The following SUPT3H variants were observed in gnomAD, a reference collection of about 807,000 sequenced individuals.
SUPT3H encodes SPT3 homolog, SAGA and STAGA complex component.
A neutral mutation model predicts 44.3 loss-of-function variants in SUPT3H; 44 were observed. The observed-to-expected ratio is 0.99, with a 90% CI of 0.78 to 1.28. SUPT3H has a LOEUF of 1.28. Among genes scored for constraint, SUPT3H ranks in the 50% most tolerant of loss-of-function variants. The pLI is 0.00. For missense variants in SUPT3H, 380 were observed against 387.1 expected, an observed-to-expected ratio of 0.98 and a Z score of 0.15; for synonymous variants, 124 against 125.6, an observed-to-expected ratio of 0.99 and a Z score of 0.09.
intron 10 of SUPT3H, among the ~76,000 whole-genome samples, chr6:44,886,408 C>G (rs1411155671): frequency 6.6e-6 from 1 of 152,206 alleles, no homozygotes; most frequent in African/African-American, 2.4e-5. Context: ...ATCAGACTGA[C>G]AGCTGATCTC....
chr6:45,146,000 T>TA (rs1341732971), intron 2 of SUPT3H, among the ~76,000 whole-genome samples: 4 of 151,916 alleles, frequency 2.6e-5, no homozygotes, highest in Admixed American at 1.3e-4. Context: ...GGCCATAATT[T>TA]AAAAAATCAA....
chr6:45,362,400 G>C (rs1263632000), intron 2 of SUPT3H, among the ~76,000 whole-genome samples: 3 of 152,184 alleles, frequency 2.0e-5, no homozygotes, highest in Non-Finnish European at 2.9e-5. Flanking sequence ...ATGAACAGCA[G>C]CAGTAGGGAG....
rs115266292 is a variant in SUPT3H at position 44,860,529 on chromosome 6, C to T, written c.913-30672G>A. Among the ~76,000 whole-genome samples, 806 of 152,296 alleles carry T rather than the reference C, an allele frequency of 5.3e-3. 5 individuals are homozygous for T. The highest frequency in any genetic ancestry group is 0.018 in the African/African-American group (752 of 41,564). On this transcript the variant is annotated intron_variant, in intron 10 of 10. Coordinates refer to ENST00000371459, the MANE Select transcript of SUPT3H (RefSeq NM_003599.4). Reference sequence around the variant, plus strand: ...GTTATTCAACCAGTTAATGGCCGGACTGGGAGTAGAACCAGGTCTCCCGAC... The same window carrying T: ...GTTATTCAACCAGTTAATGGCCGGATTGGGAGTAGAACCAGGTCTCCCGAC...
intron 6 of SUPT3H, among the ~76,000 whole-genome samples, chr6:44,992,913 C>T (rs1047290728): frequency 6.6e-6 from 1 of 152,134 alleles, no homozygotes; most frequent in Non-Finnish European, 1.5e-5. Flanking sequence ...CCTATAATCC[C>T]AGCATTTTGG....
Position 45,018,114 on chromosome 6 carries a change from A to C in SUPT3H, c.273+2432T>G, listed in dbSNP as rs866875531. Among the ~76,000 whole-genome samples, 326 of 151,810 alleles carry C rather than the reference A, an allele frequency of 2.1e-3. 1 individual carries two copies. Among genetic ancestry groups the C allele is most frequent in the Middle Eastern group, 0.02 (6 of 294 alleles). On this transcript the variant is annotated intron_variant, in intron 4 of 10. Coordinates refer to ENST00000371459, the MANE Select transcript of SUPT3H (RefSeq NM_003599.4). ...TTTTATTCTCTTTGAAGCAATTGTG[A>C]ATGGGAGTTCACTCATGAGTTGGCT...
At position 44,828,713 on chromosome 6, in the gene SUPT3H, C is replaced by G. The variant is rs1212242371; in HGVS notation, c.*1103G>C. On this transcript the variant is annotated 3_prime_UTR_variant, in exon 11 of 11. Transcript: ENST00000371459. ...CTTGAGCAGTATCAAGAAAAAGGAG[C>G]AGTATCAAGAAAAAGATCTTTCATG... 6.6e-6 allele frequency: 1 copy of G among 152,086 alleles called. No homozygotes were observed. Among genetic ancestry groups the G allele is most frequent in the Non-Finnish European group, 1.5e-5 (1 of 67,972 alleles). 9.4% of individuals were successfully genotyped at this position (152,086 alleles called of 1,614,324 possible).
chr6:45,311,065 A>C (rs1305669527), intron 2 of SUPT3H, among the ~76,000 whole-genome samples: 1 of 152,228 alleles, frequency 6.6e-6, no homozygotes, highest in Non-Finnish European at 1.5e-5. Context: ...ATTCAACAAA[A>C]TAGATAGCAT....
chr6:45,249,372 C>T (rs1771954087), intron 2 of SUPT3H, among the ~76,000 whole-genome samples: 1 of 151,624 alleles, frequency 6.6e-6, no homozygotes, highest in African/African-American at 2.4e-5. Flanking sequence ...ACATTTAACT[C>T]TTCTCTGTAC....
chr6:45,027,278 A>C (rs1469672817), intron 3 of SUPT3H, among the ~76,000 whole-genome samples: 1 of 152,056 alleles, frequency 6.6e-6, no homozygotes, highest in Non-Finnish European at 1.5e-5. Context: ...GGCACGTAGG[A>C]GCTACCGTGC....
chr6:44,940,417 T>A (rs1199880057), intron 9 of SUPT3H, among the ~76,000 whole-genome samples: 2 of 152,022 alleles, frequency 1.3e-5, no homozygotes, highest in Non-Finnish European at 2.9e-5. Flanking sequence ...TACTTGATTT[T>A]AAAAATCTCT....
intron 3 of SUPT3H, among the ~76,000 whole-genome samples, chr6:45,043,417 A>G (rs55666772): frequency 0.14 from 21,702 of 152,026 alleles, 2,108 homozygotes; most frequent in African/African-American, 0.27. Flanking sequence ...TGATCCAGTC[A>G]CCCAAGTAGT....
intron 2 of SUPT3H, among the ~76,000 whole-genome samples, chr6:45,142,506 G>C (rs745686426): frequency 3.4e-4 from 51 of 151,938 alleles, no homozygotes; most frequent in Non-Finnish European, 8.8e-5. Flanking sequence ...GGAGGCTGAG[G>C]TGGGCAGATC....
intron 2 of SUPT3H, among the ~76,000 whole-genome samples, chr6:45,228,191 A>C (rs907549686): frequency 2.6e-5 from 4 of 152,186 alleles, no homozygotes; most frequent in African/African-American, 9.7e-5. Flanking sequence ...TGTGTGACTT[A>C]AATGGGCCAA....
At chr6:45,142,731 C>T (rs560701893) in intron 2 of SUPT3H, among the ~76,000 whole-genome samples, 51 of 43,108 alleles carry the variant, frequency 1.2e-3, no homozygotes, top group African/African-American at 3.8e-3. Flanking sequence ...AGCTAAACTC[C>T]GTCTCAAAAA....
intron 2 of SUPT3H, among the ~76,000 whole-genome samples, chr6:45,312,445 G>C (rs1285299227): frequency 6.6e-6 from 1 of 151,162 alleles, no homozygotes; most frequent in Admixed American, 6.6e-5. Flanking sequence ...AACCCAGGAA[G>C]CGGAGCTTGC....
intron 3 of SUPT3H, among the ~76,000 whole-genome samples, chr6:45,044,929 C>CT (rs1481240747): frequency 5.9e-5 from 9 of 152,220 alleles, no homozygotes; most frequent in African/African-American, 2.2e-4. Context: ...CAGTGAAGGA[C>CT]TTTCTCAAAG....
At position 45,357,326 on chromosome 6, in the gene SUPT3H, G is replaced by A. The variant is rs62400331; in HGVS notation, c.101+7875C>T. On this transcript the variant is annotated intron_variant, in intron 2 of 10. Transcript: ENST00000371459. ...CCGGTCAAGAATCCATTTTTATCTA[G>A]TACCTTTTTTATTTTTTATTTTTTG... is the stretch of plus-strand genomic sequence containing the variant. Among the ~76,000 whole-genome samples the A allele has an allele frequency of 1.8e-3, 269 of 151,734 alleles. 1 individual carries two copies. Among genetic ancestry groups the A allele is most frequent in the Non-Finnish European group, 3.0e-3 (202 of 67,886 alleles).
intron 2 of SUPT3H, among the ~76,000 whole-genome samples, chr6:45,192,167 C>T (rs767799123): frequency 6.6e-6 from 1 of 152,096 alleles, no homozygotes; most frequent in Non-Finnish European, 1.5e-5. Flanking sequence ...CAGTATACTT[C>T]TAATATCTTT....
At chr6:45,001,032 G>GT (rs1781946465) in intron 6 of SUPT3H, among the ~76,000 whole-genome samples, 1 of 152,086 alleles carries the variant, frequency 6.6e-6, no homozygotes, top group South Asian at 2.1e-4. Flanking sequence ...CAGCTCTTCT[G>GT]TGGGTGACCA....
Sources: gnomAD v4.1 joint callset for allele counts (sites outside exome capture counted in the v4.1 genomes callset) on GRCh38, gnomAD v4.1.1 for gene constraint, MANE v1.5 for transcripts, NCBI Gene and HGNC (gene_info 2026-07-23, HGNC 2026-07-21) for gene names.